Variants in GPR39 observed in about 807,000 individuals in gnomAD.
The protein encoded by GPR39 is zinc sensing receptor.
GPR39 carries 23 observed loss-of-function variants against 18.4 expected under a neutral mutation model. The observed-to-expected ratio is 1.25, with a 90% CI of 0.90 to 1.77. The LOEUF is 1.77. Among genes scored for constraint, GPR39 ranks in the 40% most tolerant of loss-of-function variants. The probability of loss-of-function intolerance (pLI) is 0.00; values close to 1 mark genes in which losing one functional copy is unlikely to be tolerated. For missense variants in GPR39, 647 were observed against 602.4 expected (o/e 1.07, Z -0.78); for synonymous variants, 280 against 257.9 (o/e 1.09, Z -0.82).
chr2:132,643,170 CTT>C (rs1450731874), intron 1 of GPR39, among the ~76,000 whole-genome samples: 1 of 152,132 alleles, frequency 6.6e-6, no homozygotes, highest in Non-Finnish European at 1.5e-5. Flanking sequence ...AGAATAAACT[CTT>C]GAATTAAGAT....
chr2:132,535,078 G>T (rs1378083259), intron 1 of GPR39, among the ~76,000 whole-genome samples: 1 of 151,872 alleles, frequency 6.6e-6, no homozygotes, highest in Non-Finnish European at 1.5e-5. Flanking sequence ...TCTTTCTCTT[G>T]CCTGATTGCC....
At chr2:132,537,013 T>C (rs1291347630) in intron 1 of GPR39, among the ~76,000 whole-genome samples, 1 of 152,242 alleles carries the variant, frequency 6.6e-6, no homozygotes, top group Non-Finnish European at 1.5e-5. Context: ...GGGTCTTGAC[T>C]CTTTATCCAA....
intron 1 of GPR39, among the ~76,000 whole-genome samples, chr2:132,490,624 A>G (rs182651936): frequency 6.6e-6 from 1 of 152,006 alleles, no homozygotes; most frequent in East Asian, 1.9e-4. Context: ...GCATTAAGTG[A>G]CCTGGGAATG....
intron 1 of GPR39, among the ~76,000 whole-genome samples, chr2:132,622,591 A>G (rs1200031386): frequency 2.0e-5 from 3 of 152,214 alleles, no homozygotes; most frequent in African/African-American, 7.2e-5. Flanking sequence ...TGGAAGGTAT[A>G]TATTGATTCA....
At chr2:132,580,490 A>G (rs898172877) in intron 1 of GPR39, among the ~76,000 whole-genome samples, 3 of 152,198 alleles carry the variant, frequency 2.0e-5, no homozygotes, top group African/African-American at 7.2e-5. Context: ...GAAAGTGAAA[A>G]TATGTTTACT....
At chr2:132,569,784 A>T (rs967371401) in intron 1 of GPR39, among the ~76,000 whole-genome samples, 3 of 151,738 alleles carry the variant, frequency 2.0e-5, no homozygotes, top group Admixed American at 2.0e-4. Flanking sequence ...TCATGGGGTC[A>T]GGTCTTTCCT....
intron 1 of GPR39, among the ~76,000 whole-genome samples, chr2:132,430,212 A>G (rs4572645): frequency 0.41 from 62,099 of 152,126 alleles, 14,361 homozygotes; most frequent in East Asian, 0.64. Flanking sequence ...TAAACATTAC[A>G]ATCACCTGTG....
At chr2:132,643,542 T>C (rs1573715548) in intron 1 of GPR39, among the ~76,000 whole-genome samples, 1 of 152,174 alleles carries the variant, frequency 6.6e-6, no homozygotes, top group Non-Finnish European at 1.5e-5. Context: ...TTGAGACAGT[T>C]TCACTCTGTC....
chr2:132,602,659 G>C (rs1018775639), intron 1 of GPR39, among the ~76,000 whole-genome samples: 1 of 151,854 alleles, frequency 6.6e-6, no homozygotes, highest in Non-Finnish European at 1.5e-5. Context: ...CTAATATCCA[G>C]AATCTACAAA....
At chr2:132,575,870 G>T (rs527727058) in intron 1 of GPR39, among the ~76,000 whole-genome samples, 1 of 152,256 alleles carries the variant, frequency 6.6e-6, no homozygotes, top group South Asian at 2.1e-4. Context: ...GTGGTGGTTG[G>T]GTAATGAGGG....
chr2:132,615,202 A>G (rs1218594083), intron 1 of GPR39, among the ~76,000 whole-genome samples: 3 of 152,194 alleles, frequency 2.0e-5, no homozygotes, highest in Admixed American at 2.0e-4. Flanking sequence ...ATGATCTGTC[A>G]TCAGGAGCTG....
At chr2:132,605,127 A>G (rs1435140756) in intron 1 of GPR39, among the ~76,000 whole-genome samples, 1 of 152,216 alleles carries the variant, frequency 6.6e-6, no homozygotes, top group Non-Finnish European at 1.5e-5. Flanking sequence ...TAAATGGTAG[A>G]GCTGGGACAT....
chr2:132,593,682 G>A (rs1201465756), intron 1 of GPR39, among the ~76,000 whole-genome samples: 2 of 152,062 alleles, frequency 1.3e-5, no homozygotes, highest in Non-Finnish European at 1.5e-5. Context: ...ATTTGGATAT[G>A]CTCAGTTTGA....
At chr2:132,451,187 A>C (rs1680627566) in intron 1 of GPR39, among the ~76,000 whole-genome samples, 1 of 120,988 alleles carries the variant, frequency 8.3e-6, no homozygotes, top group South Asian at 2.3e-4. Flanking sequence ...ACGCGCGTGA[A>C]ATGCTTTGCC....
intron 1 of GPR39, among the ~76,000 whole-genome samples, chr2:132,461,289 C>T (rs1175638665): frequency 1.3e-5 from 2 of 152,188 alleles, no homozygotes; most frequent in African/African-American, 4.8e-5. Context: ...TACTCTATCA[C>T]AGAGCTGGCT....
chr2:132,568,912 C>G (rs1455536353), intron 1 of GPR39, among the ~76,000 whole-genome samples: 1 of 152,060 alleles, frequency 6.6e-6, no homozygotes, highest in Non-Finnish European at 1.5e-5. Context: ...GCTGGGCAGG[C>G]CTTATCTGCT....
chr2:132,600,812 C>T (rs1482515928), intron 1 of GPR39, among the ~76,000 whole-genome samples: 1 of 152,024 alleles, frequency 6.6e-6, no homozygotes, highest in Non-Finnish European at 1.5e-5. Context: ...AAATCAATAG[C>T]TTTAGGGGCA....
At chr2:132,525,471 A>T (rs1291798467) in intron 1 of GPR39, among the ~76,000 whole-genome samples, 3 of 152,208 alleles carry the variant, frequency 2.0e-5, no homozygotes, top group Non-Finnish European at 4.4e-5. Context: ...ATTTGCGGTG[A>T]TGCATGCACG....
chr2:132,608,692 C>A (rs553160868), intron 1 of GPR39, among the ~76,000 whole-genome samples: 28 of 152,304 alleles, frequency 1.8e-4, no homozygotes, highest in Admixed American at 5.9e-4. Context: ...CACATTGATT[C>A]AGTTCTCAGC....
Sources: allele counts gnomAD v4.1 joint callset (sites outside exome capture counted in the v4.1 genomes callset), GRCh38; gene constraint gnomAD v4.1.1; transcripts MANE v1.5; gene names NCBI Gene and HGNC (gene_info 2026-07-23, HGNC 2026-07-21).